AUH: variants seen among roughly 807,000 people sequenced by gnomAD.
AUH encodes the protein AU RNA binding methylglutaconyl-CoA hydratase.
A neutral mutation model predicts 42.3 loss-of-function variants in AUH; 29 were observed. The ratio of observed to expected loss-of-function variants is 0.69; its 90% CI spans 0.51 to 0.93. AUH has a LOEUF of 0.93. Ranked by LOEUF, AUH falls within the 40% of genes least tolerant of loss-of-function variation. AUH has a pLI of 0.00. For missense variants in AUH, 452 were observed against 438.1 expected, an observed-to-expected ratio of 1.03 and a Z score of -0.28; for synonymous variants, 174 against 166.4, an observed-to-expected ratio of 1.05 and a Z score of -0.35.
intron 4 of AUH, among the ~76,000 whole-genome samples, chr9:91,314,919 G>A (rs1388603132): frequency 1.3e-5 from 2 of 152,126 alleles, no homozygotes; most frequent in African/African-American, 4.8e-5. Flanking sequence ...AGAGTTTTTC[G>A]TGTCATCTGC....
intron 6 of AUH, among the ~76,000 whole-genome samples, chr9:91,270,452 G>A (rs768063786): frequency 1.3e-5 from 2 of 152,200 alleles, no homozygotes; most frequent in South Asian, 4.1e-4. Flanking sequence ...AAGGAGAATA[G>A]ATCCTGGACA....
At chr9:91,333,086 T>C (rs1231604034) in intron 3 of AUH, among the ~76,000 whole-genome samples, 1 of 152,228 alleles carries the variant, frequency 6.6e-6, no homozygotes, top group Non-Finnish European at 1.5e-5. Context: ...GAAAGCCTAA[T>C]GGCAGTTCTC....
intron 6 of AUH, among the ~76,000 whole-genome samples, chr9:91,254,418 G>A (rs1829301259): frequency 6.6e-6 from 1 of 152,152 alleles, no homozygotes; most frequent in Admixed American, 6.5e-5. Context: ...AAAATAAAGT[G>A]TTCAATGCCA....
chr9:91,245,637 C>A (rs986662110), intron 6 of AUH, among the ~76,000 whole-genome samples: 6 of 152,308 alleles, frequency 3.9e-5, no homozygotes, highest in African/African-American at 1.4e-4. Context: ...ATGACTGGAG[C>A]TGACATCTGC....
At position 91,298,001 on chromosome 9, in the gene AUH, C is replaced by T; in HGVS notation, c.581G>A (p.Cys194Tyr). 6.2e-7 allele frequency: 1 copy of T among 1,611,062 alleles called. No individual in the cohort carries two copies. Among genetic ancestry groups the T allele is most frequent in the South Asian group, 1.1e-5 (1 of 91,026 alleles). Residue 194 changes from cysteine (C) to tyrosine (Y), a missense_variant, in exon 5 of 10, where the codon TGT becomes TAT. Physicochemically the swap from Cys to Tyr is radical, Grantham distance 194. Coordinates refer to ENST00000375731, the MANE Select transcript of AUH (RefSeq NM_001698.3). Reference sequence around the variant, plus strand: ...ATTCTTACCTGCTACTCGTATATCACAGGCTAAAGCCAGTTCAAGACCACC... The same window carrying T: ...ATTCTTACCTGCTACTCGTATATCATAGGCTAAAGCCAGTTCAAGACCACC... ...LGGGLELALACDIRVAASSAK... is the reference protein window; with the variant it reads ...LGGGLELALAYDIRVAASSAK...
chr9:91,225,496 T>A (rs901804068), intron 6 of AUH, among the ~76,000 whole-genome samples: 1 of 152,200 alleles, frequency 6.6e-6, no homozygotes, highest in African/African-American at 2.4e-5. Context: ...AATCTGCTAG[T>A]TCCCTTAGGC....
intron 4 of AUH, among the ~76,000 whole-genome samples, chr9:91,301,618 C>T (rs1028227921): frequency 2.6e-5 from 4 of 152,104 alleles, no homozygotes; most frequent in African/African-American, 9.7e-5. Flanking sequence ...TTAACAATTC[C>T]AGGGCTTGTT....
At chr9:91,346,145 T>C (rs972419818) in intron 3 of AUH, among the ~76,000 whole-genome samples, 5 of 152,074 alleles carry the variant, frequency 3.3e-5, no homozygotes, top group African/African-American at 1.2e-4. Flanking sequence ...TTTATGCTAA[T>C]GAACTGACTC....
intron 6 of AUH, among the ~76,000 whole-genome samples, chr9:91,280,479 T>C (rs1825876705): frequency 6.6e-6 from 1 of 152,238 alleles, no homozygotes; most frequent in Admixed American, 6.5e-5. Flanking sequence ...AACACTGACA[T>C]AAATTTGAGG....
At chr9:91,246,951 A>G (rs1828829723) in intron 6 of AUH, among the ~76,000 whole-genome samples, 1 of 152,124 alleles carries the variant, frequency 6.6e-6, no homozygotes, top group Non-Finnish European at 1.5e-5. Context: ...CATGCCAGCA[A>G]TGCCTTCCCA....
At chr9:91,317,455 G>A (rs1829243714) in intron 4 of AUH, among the ~76,000 whole-genome samples, 1 of 152,016 alleles carries the variant, frequency 6.6e-6, no homozygotes, top group Non-Finnish European at 1.5e-5. Context: ...ATCCTTACTT[G>A]ACATCTTTTG....
At chr9:91,216,958 CCT>C (rs1478042891) in intron 8 of AUH, among the ~76,000 whole-genome samples, 1 of 152,114 alleles carries the variant, frequency 6.6e-6, no homozygotes, top group African/African-American at 2.4e-5. Flanking sequence ...CACAGAATGC[CCT>C]GTTATTTTGG....
chr9:91,329,190 G>T (rs1041881683), intron 3 of AUH, among the ~76,000 whole-genome samples: 1 of 151,868 alleles, frequency 6.6e-6, no homozygotes, highest in Non-Finnish European at 1.5e-5. Flanking sequence ...GACTAATGCT[G>T]ATATGGACAT....
chr9:91,270,747 A>C (rs1474200434), intron 6 of AUH, among the ~76,000 whole-genome samples: 1 of 152,194 alleles, frequency 6.6e-6, no homozygotes, highest in Non-Finnish European at 1.5e-5. Flanking sequence ...ACAAGGTAGC[A>C]ATGCACCCAC....
Position 91,214,165 on chromosome 9 carries a change from G to A in AUH, c.*183C>T. 1 of 602,756 alleles carries A rather than the reference G, an allele frequency of 1.7e-6. No homozygotes were observed. The highest frequency in any genetic ancestry group is 3.0e-5 in the East Asian group (1 of 33,572). 37.3% of individuals were successfully genotyped at this position (602,756 alleles called of 1,614,324 possible). A position where few individuals can be genotyped will look rare whatever the true frequency, so the allele number is the denominator to read the frequency against. ...TAGCTTTATAAATCTGAATGAATAT[G>A]ACATTTACACATTTGAATGAAGTAC... On this transcript the variant is annotated 3_prime_UTR_variant, in exon 10 of 10. Coordinates refer to ENST00000375731, the MANE Select transcript of AUH (RefSeq NM_001698.3).
Position 91,344,631 on chromosome 9 carries a change from C to T in AUH, c.418+11252G>A, listed in dbSNP as rs148102460. On this transcript the variant is annotated intron_variant, in intron 3 of 9. Transcript: ENST00000375731. ...AGAAACTTCCTAGACCAAATGACTT[C>T]GTTGGTGAATTTTACCAAACAATTA... 9.5e-3 allele frequency among the ~76,000 whole-genome samples: 1,451 copies of T among 152,268 alleles called. 26 individuals carry two copies. The highest frequency in any genetic ancestry group is 0.033 in the African/African-American group (1,381 of 41,544).
chr9:91,293,609 T>C (rs964110585), intron 6 of AUH, among the ~76,000 whole-genome samples: 1 of 152,156 alleles, frequency 6.6e-6, no homozygotes, highest in African/African-American at 2.4e-5. Flanking sequence ...AGAAGAAAAG[T>C]TGGAAGCTAG....
intron 6 of AUH, among the ~76,000 whole-genome samples, chr9:91,254,826 C>A (rs1277880723): frequency 6.6e-6 from 1 of 152,112 alleles, no homozygotes; most frequent in Non-Finnish European, 1.5e-5. Flanking sequence ...TCAATATATC[C>A]TTAATTACCT....
chr9:91,292,418 A>G (rs1335804970), intron 6 of AUH, among the ~76,000 whole-genome samples: 3 of 151,770 alleles, frequency 2.0e-5, no homozygotes, highest in Non-Finnish European at 2.9e-5. Flanking sequence ...AGCTGTGATT[A>G]CAAGCACGCA....
Sources: allele counts gnomAD v4.1 joint callset (sites outside exome capture counted in the v4.1 genomes callset), GRCh38; gene constraint gnomAD v4.1.1; transcripts MANE v1.5; gene names NCBI Gene and HGNC (gene_info 2026-07-23, HGNC 2026-07-21).